ANAPC13: variants seen among roughly 807,000 people sequenced by gnomAD.
ANAPC13 encodes anaphase-promoting complex subunit 13.
In ANAPC13, 9 loss-of-function variants were observed where a neutral mutation model predicts 9.6. The ratio of observed to expected loss-of-function variants is 0.94; its 90% CI spans 0.57 to 1.64. The LOEUF (loss-of-function observed/expected upper bound fraction) is 1.64. ANAPC13 is among the 40% of genes most tolerant of loss of function. The pLI, the probability that ANAPC13 is intolerant of heterozygous loss-of-function variation, is 0.00. For synonymous variants in ANAPC13, 30 were observed against 29.7 expected, an observed-to-expected ratio of 1.01 and a Z score of -0.03; for missense variants, 75 against 85.3, an observed-to-expected ratio of 0.88 and a Z score of 0.48.
intron 1 of ANAPC13, among the ~76,000 whole-genome samples, chr3:134,484,352 A>C (rs1934881208): frequency 6.6e-6 from 1 of 151,722 alleles, no homozygotes; most frequent in South Asian, 2.1e-4. Context: ...GCGCCACTGC[A>C]CTCCAGCCTG....
At position 134,477,939 on chromosome 3, in the gene ANAPC13, G is replaced by A. The variant is rs1024832899; in HGVS notation, c.*651C>T. ...CATAGTGGGGTGGTTGTAACTGAAA[G>A]GGCTTTGAGAAAAGGCTTTGAATAA... is the stretch of plus-strand genomic sequence containing the variant. On this transcript the variant is annotated 3_prime_UTR_variant, in exon 3 of 3. Coordinates refer to ENST00000354910, the MANE Select transcript of ANAPC13 (RefSeq NM_015391.4). 1.3e-5 allele frequency: 2 copies of A among 152,192 alleles called. No individual in the cohort carries two copies. The highest frequency in any genetic ancestry group is 2.9e-5 in the Non-Finnish European group (2 of 68,028). The allele number at this position is 152,192 out of a possible 1,614,324, so 9.4% of individuals were successfully genotyped here. A position where few individuals can be genotyped will look rare whatever the true frequency, so the allele number is the denominator to read the frequency against.
At chr3:134,481,654 T>C (rs551293241) in intron 2 of ANAPC13, among the ~76,000 whole-genome samples, 2 of 152,234 alleles carry the variant, frequency 1.3e-5, no homozygotes, top group African/African-American at 2.4e-5. Context: ...CATAGTCTTA[T>C]GGCACACAGT....
At chr3:134,486,006 C>G (rs1047639405), upstream of ANAPC13, 6 of 984,744 alleles carry the variant, frequency 6.1e-6, no homozygotes, top group South Asian at 1.9e-4. Flanking sequence ...CCCCCCCTCC[C>G]CCGCATCACG....
intron 2 of ANAPC13, among the ~76,000 whole-genome samples, chr3:134,480,382 GAAAACA>G (rs1934709282): frequency 2.0e-5 from 3 of 152,178 alleles, no homozygotes; most frequent in African/African-American, 7.2e-5. Context: ...TATATGCCTG[GAAAACA>G]AAAACAAAAG....
rs991359118 is a variant in ANAPC13, at chr3:134,478,105, G to A, written c.*485C>T. 1 of 152,434 alleles carries A rather than the reference G, an allele frequency of 6.6e-6. No individual in the cohort carries two copies. The highest frequency in any genetic ancestry group is 2.4e-5 in the African/African-American group (1 of 41,466). The allele number at this position is 152,434 out of a possible 1,614,324, so 9.4% of individuals were successfully genotyped here. A position where few individuals can be genotyped will look rare whatever the true frequency, so the allele number is the denominator to read the frequency against. On this transcript the variant is annotated 3_prime_UTR_variant, in exon 3 of 3. Transcript: ENST00000354910. Reference sequence around the variant, plus strand: ...AAATACCATGAAGAATCTTAGGAATGCCAGTAACCAGGGAATGGGATATTT... The same window carrying A: ...AAATACCATGAAGAATCTTAGGAATACCAGTAACCAGGGAATGGGATATTT...
rs140977286 is a variant in ANAPC13 at position 134,479,596 on chromosome 3, G to A, written c.100-881C>T. Among the ~76,000 whole-genome samples the A allele has an allele frequency of 1.6e-3, 250 of 152,160 alleles. 1 individual carries two copies. The highest frequency in any genetic ancestry group is 5.8e-3 in the African/African-American group (240 of 41,530). ...ACTCCCAACCTCAGGTGATCCACCC[G>A]CCTCAGCCTCCCAAAGTGCTGGGAT... On this transcript the variant is annotated intron_variant, in intron 2 of 2. Coordinates refer to ENST00000354910, the MANE Select transcript of ANAPC13 (RefSeq NM_015391.4).
chr3:134,482,655 A>G (rs1934761446), intron 2 of ANAPC13, 151 bp downstream of exon 2: 1 of 696,584 alleles, frequency 1.4e-6, no homozygotes, highest in Non-Finnish European at 2.5e-6. Context: ...AAAACATACA[A>G]CTGGATGCTC....
Position 134,482,852 on chromosome 3 carries a change from G to A in ANAPC13, c.53C>T (p.Ala18Val), listed in dbSNP as rs756834266. 15 of 1,614,062 alleles carry A rather than the reference G, an allele frequency of 9.3e-6. No homozygotes were observed. Among genetic ancestry groups the A allele is most frequent in the Non-Finnish European group, 1.1e-5 (13 of 1,180,042 alleles). The stretch of plus-strand genomic sequence containing the variant: ...ATAAGGCAGCTTGTCTTCTCGCCAA[G>A]CATCATCAATCAAATCCAAGATCCT... The part of the protein sequence containing the change: ...DGRILDLIDD[A>V]WREDKLPYED... Residue 18 changes from alanine (A) to valine (V), a missense_variant, in exon 2 of 3, where the codon GCT becomes GTT. Transcript: ENST00000354910.
intron 2 of ANAPC13, among the ~76,000 whole-genome samples, chr3:134,479,029 C>T (rs1934673091): frequency 2.0e-5 from 3 of 152,158 alleles, no homozygotes; most frequent in Non-Finnish European, 4.4e-5. Context: ...CTCCCATTTG[C>T]TGGGTTACTT....
chr3:134,485,980 G>C lies in ANAPC13; in HGVS notation c.-56C>G, dbSNP rs374438738. 75 of 927,198 alleles carry C rather than the reference G, an allele frequency of 8.1e-5. 1 individual carries two copies. In the African/African-American group the frequency reaches 1.7e-3, roughly 21 times the overall value. 57.4% of individuals were successfully genotyped at this position (927,198 alleles called of 1,614,324 possible). A position where few individuals can be genotyped will look rare whatever the true frequency, so the allele number is the denominator to read the frequency against. ...CACCCGGCCACCGCGGCAGACGCTTGCTCCTGCCACGCCCCCCCCCCCTCC... is the reference window on the plus strand; with the variant it reads ...CACCCGGCCACCGCGGCAGACGCTTCCTCCTGCCACGCCCCCCCCCCCTCC... On this transcript the variant is annotated 5_prime_UTR_variant, in exon 1 of 3. Coordinates refer to ENST00000354910, the MANE Select transcript of ANAPC13 (RefSeq NM_015391.4).
At chr3:134,483,589 A>G (rs1479777651) in intron 1 of ANAPC13, among the ~76,000 whole-genome samples, 1 of 152,220 alleles carries the variant, frequency 6.6e-6, no homozygotes, top group Non-Finnish European at 1.5e-5. Flanking sequence ...ATGCTTATTT[A>G]GCTCCTTGAC....
intron 1 of ANAPC13, among the ~76,000 whole-genome samples, chr3:134,483,990 T>C (rs1349359771): frequency 6.6e-6 from 1 of 152,214 alleles, no homozygotes; most frequent in Non-Finnish European, 1.5e-5. Flanking sequence ...AGTTGGTCCC[T>C]TCGCATAGTC....
chr3:134,484,400 C>A lies in ANAPC13; in HGVS notation c.-27-1469G>T, dbSNP rs79662975. ...AGATTCCGTCTCGGAAAAAAAAAAA[C>A]AAAAAAAACCAAAAAGGCTCACAGC... is the stretch of plus-strand genomic sequence containing the variant. On this transcript the variant is annotated intron_variant, in intron 1 of 2. Transcript: ENST00000354910. Among the ~76,000 whole-genome samples the A allele has an allele frequency of 3.8e-3, 566 of 148,242 alleles. 3 individuals are homozygous for A. Among genetic ancestry groups the A allele is most frequent in the African/African-American group, 0.013 (531 of 40,262 alleles).
chr3:134,485,237 T>C (rs1319848755), intron 1 of ANAPC13: 1 of 152,136 alleles, frequency 6.6e-6, no homozygotes, highest in African/African-American at 2.4e-5. Context: ...GGCACACTGA[T>C]TATCTTGTGT....
chr3:134,482,814 T>A lies in ANAPC13; in HGVS notation c.91A>T (p.Ile31Leu). Residue 31 changes from isoleucine (I) to leucine (L), a missense_variant, in exon 2 of 3, where the codon ATA (isoleucine) becomes TTA (leucine). Physicochemically the swap from Ile to Leu is conservative, Grantham distance 5 (BLOSUM62 2). Transcript: ENST00000354910. ...CTCAAATCATAACCTACCAGTGGTATTGCGACATCCTCATAAGGCAGCTTG... is the reference window on the plus strand; with the variant it reads ...CTCAAATCATAACCTACCAGTGGTAATGCGACATCCTCATAAGGCAGCTTG... ...EDKLPYEDVAIPLNELPEPEQ... is the reference protein window; with the variant it reads ...EDKLPYEDVALPLNELPEPEQ... 1 of 1,614,110 alleles carries A rather than the reference T, an allele frequency of 6.2e-7. No individual in the cohort carries two copies. The highest frequency in any genetic ancestry group is 8.5e-7 in the Non-Finnish European group (1 of 1,179,954).
intron 2 of ANAPC13, among the ~76,000 whole-genome samples, chr3:134,480,223 TA>T (rs374095384): frequency 3.2e-4 from 49 of 152,298 alleles, no homozygotes; most frequent in African/African-American, 1.1e-3. Context: ...TGACAAAGAA[TA>T]AATAGGTCCT....
At chr3:134,485,860 C>A in intron 1 of ANAPC13, 92 bp downstream of exon 1, 1 of 435,646 alleles carries the variant, frequency 2.3e-6, no homozygotes, top group Non-Finnish European at 3.1e-6. Context: ...GTGACAGCCT[C>A]GGCCGATGGG....
chr3:134,482,090 A>G (rs1204993934), intron 2 of ANAPC13, among the ~76,000 whole-genome samples: 1 of 152,240 alleles, frequency 6.6e-6, no homozygotes, highest in East Asian at 1.9e-4. Context: ...GCAACAGCAG[A>G]TATTCTAACT....
chr3:134,483,578 G>A (rs550980280), intron 1 of ANAPC13, among the ~76,000 whole-genome samples: 7 of 152,132 alleles, frequency 4.6e-5, no homozygotes, highest in African/African-American at 1.2e-4. Flanking sequence ...AAATGGTCAC[G>A]ATGCTTATTT....
Sources: allele counts gnomAD v4.1 joint callset (sites outside exome capture counted in the v4.1 genomes callset), GRCh38; gene constraint gnomAD v4.1.1; transcripts MANE v1.5; gene names NCBI Gene and HGNC (gene_info 2026-07-23, HGNC 2026-07-21).